CNTN4: variants seen among roughly 807,000 people sequenced by gnomAD.
CNTN4 encodes the protein contactin-4.
Under a neutral mutation model 122.5 loss-of-function variants are expected in CNTN4, and 77 were observed. That is an observed-to-expected ratio of 0.63 (90% confidence interval 0.52 to 0.76). The LOEUF (loss-of-function observed/expected upper bound fraction) is 0.76, where lower values mean the gene tolerates loss of function less well. Among genes scored for constraint, CNTN4 ranks in the 30% least tolerant of loss-of-function variants. The probability of loss-of-function intolerance (pLI) is 0.00; values close to 1 mark genes in which losing one functional copy is unlikely to be tolerated. For missense variants in CNTN4, 1,256 were observed against 1,259.1 expected (o/e 1.00, Z 0.04); for synonymous variants, 512 against 447.0 (o/e 1.15, Z -1.83).
At chr3:2,437,420 G>A (rs927955815) in intron 3 of CNTN4, among the ~76,000 whole-genome samples, 6 of 151,984 alleles carry the variant, frequency 3.9e-5, no homozygotes, top group East Asian at 1.9e-4. Context: ...TTTTACTGCC[G>A]TAAATGTGCA....
intron 3 of CNTN4, among the ~76,000 whole-genome samples, chr3:2,421,161 G>A (rs545610908): frequency 9.2e-5 from 14 of 151,994 alleles, no homozygotes; most frequent in Admixed American, 2.0e-4. Flanking sequence ...TCACCTTAAT[G>A]ACCACCATTG....
chr3:2,666,968 A>T (rs2084206485), intron 4 of CNTN4, among the ~76,000 whole-genome samples: 1 of 151,724 alleles, frequency 6.6e-6, no homozygotes, highest in African/African-American at 2.4e-5. Flanking sequence ...TATGTGCCAC[A>T]TTTTCTTAAT....
intron 2 of CNTN4, among the ~76,000 whole-genome samples, chr3:2,321,726 G>T (rs1478902887): frequency 6.6e-6 from 1 of 151,950 alleles, no homozygotes; most frequent in Non-Finnish European, 1.5e-5. Flanking sequence ...ATACATGGAT[G>T]TGGTTAGGAA....
chr3:2,220,596 C>T (rs138404775), intron 2 of CNTN4, among the ~76,000 whole-genome samples: 247 of 152,192 alleles, frequency 1.6e-3, no homozygotes, highest in Middle Eastern at 6.8e-3. Context: ...TTCTGTTTTA[C>T]GTCTGTTTTA....
chr3:2,733,526 G>A (rs1331058549), intron 4 of CNTN4, among the ~76,000 whole-genome samples: 1 of 125,602 alleles, frequency 8.0e-6, no homozygotes. Context: ...TAAAGTGCAT[G>A]TTTGTGTTTT....
intron 6 of CNTN4, among the ~76,000 whole-genome samples, chr3:2,769,474 A>AAC (rs1553634521): frequency 6.6e-6 from 1 of 151,610 alleles, no homozygotes; most frequent in Admixed American, 6.6e-5. Flanking sequence ...CAAAAAAAAA[A>AAC]AAAACAGAAA....
chr3:2,453,697 A>T lies in CNTN4; in HGVS notation c.-89+114464A>T, dbSNP rs76044491. Among the ~76,000 whole-genome samples, 1,333 of 152,276 alleles carry T rather than the reference A, an allele frequency of 8.8e-3. 7 individuals carry two copies. The highest frequency in any genetic ancestry group is 0.015 in the Non-Finnish European group (996 of 68,012). Reference sequence around the variant, plus strand: ...ATATCAATTCTGAAAAAATATTAGCACATTTGATTAGGAACTGCATCATTG... The same window carrying T: ...ATATCAATTCTGAAAAAATATTAGCTCATTTGATTAGGAACTGCATCATTG... On this transcript the variant is annotated intron_variant, in intron 3 of 24. Transcript: ENST00000418658.
chr3:2,969,122 T>C (rs1197831708), intron 13 of CNTN4, among the ~76,000 whole-genome samples: 1 of 152,210 alleles, frequency 6.6e-6, no homozygotes, highest in Non-Finnish European at 1.5e-5. Flanking sequence ...CTGACTCACG[T>C]ATCTGAAAAT....
chr3:2,579,955 G>C (rs2079861037), intron 4 of CNTN4, among the ~76,000 whole-genome samples: 1 of 152,092 alleles, frequency 6.6e-6, no homozygotes, highest in African/African-American at 2.4e-5. Flanking sequence ...AGGGTTTACA[G>C]CACATCTGGA....
chr3:2,583,198 T>G (rs2080026330), intron 4 of CNTN4, among the ~76,000 whole-genome samples: 1 of 152,220 alleles, frequency 6.6e-6, no homozygotes, highest in Admixed American at 6.5e-5. Flanking sequence ...TGCTCTACTC[T>G]TTTCTAAGGA....
At chr3:2,843,325 A>G (rs2093397105) in intron 7 of CNTN4, among the ~76,000 whole-genome samples, 1 of 152,152 alleles carries the variant, frequency 6.6e-6, no homozygotes, top group African/African-American at 2.4e-5. Flanking sequence ...CATACCCTGT[A>G]TCAAACCAAC....
intron 2 of CNTN4, among the ~76,000 whole-genome samples, chr3:2,322,211 AGC>A (rs2043298181): frequency 6.6e-6 from 1 of 152,200 alleles, no homozygotes; most frequent in Admixed American, 6.5e-5. Flanking sequence ...TTAATTTGAA[AGC>A]AGGGACTCAA....
chr3:2,986,486 C>T (rs1694588025), intron 13 of CNTN4, among the ~76,000 whole-genome samples: 1 of 152,254 alleles, frequency 6.6e-6, no homozygotes, highest in Non-Finnish European at 1.5e-5. Context: ...TTCATACCCT[C>T]TCATCAGACT....
intron 3 of CNTN4, among the ~76,000 whole-genome samples, chr3:2,466,965 T>A (rs2075519016): frequency 7.2e-6 from 1 of 138,584 alleles, no homozygotes; most frequent in Admixed American, 8.0e-5. Context: ...TTTCTTTCTT[T>A]CTTTCTTTTT....
chr3:2,960,376 T>A (rs2094840486), intron 13 of CNTN4, among the ~76,000 whole-genome samples: 1 of 151,176 alleles, frequency 6.6e-6, no homozygotes, highest in East Asian at 2.0e-4. Context: ...TTTAGATAAA[T>A]ACAGGTTTTG....
intron 3 of CNTN4, among the ~76,000 whole-genome samples, chr3:2,387,049 G>A (rs1010456467): frequency 2.0e-5 from 3 of 152,064 alleles, no homozygotes; most frequent in Admixed American, 6.5e-5. Context: ...ACCATAAGTC[G>A]TGTGACTTCC....
chr3:2,497,754 T>G (rs1360069594), intron 3 of CNTN4, among the ~76,000 whole-genome samples: 1 of 152,226 alleles, frequency 6.6e-6, no homozygotes, highest in African/African-American at 2.4e-5. Flanking sequence ...TTTGAATCCC[T>G]TATAGAGCAC....
In CNTN4 at chr3:2,861,072, A is replaced by T. The variant is rs374257530; in HGVS notation, c.455-5680A>T. Among the ~76,000 whole-genome samples, 20 of 152,336 alleles carry T rather than the reference A, an allele frequency of 1.3e-4. 1 individual carries two copies. The highest frequency in any genetic ancestry group is 4.8e-4 in the African/African-American group (20 of 41,584). ...AAAAAATGCCAAAAGAAACTCTAAG[A>T]ATTTACATTAATATGTTTGGTGATC... On this transcript the variant is annotated intron_variant, in intron 7 of 24. Coordinates refer to ENST00000418658, the MANE Select transcript of CNTN4 (RefSeq NM_175607.3).
chr3:2,821,154 A>G (rs6769384), intron 7 of CNTN4, among the ~76,000 whole-genome samples: 3,169 of 151,806 alleles, frequency 0.021, 95 homozygotes, highest in African/African-American at 0.071. Context: ...ATAGGATTTC[A>G]CCATGTTGAC....
Sources: allele counts gnomAD v4.1 joint callset (sites outside exome capture counted in the v4.1 genomes callset), GRCh38; gene constraint gnomAD v4.1.1; transcripts MANE v1.5; gene names NCBI Gene and HGNC (gene_info 2026-07-23, HGNC 2026-07-21).